Variants in NLGN4Y observed in about 807,000 individuals in gnomAD.
NLGN4Y encodes the protein neuroligin-4, Y-linked.
NLGN4Y carries 4 observed loss-of-function variants against 8.4 expected under a neutral mutation model. The observed-to-expected ratio is 0.48, with a 90% CI of 0.23 to 1.09. The LOEUF is 1.09. Among genes scored for constraint, NLGN4Y ranks in the 50% least tolerant of loss-of-function variants. The pLI, the probability that NLGN4Y is intolerant of heterozygous loss-of-function variation, is 0.19. For missense variants in NLGN4Y, 90 were observed against 192.3 expected, an observed-to-expected ratio of 0.47 and a Z score of 3.15; for synonymous variants, 35 against 75.6, an observed-to-expected ratio of 0.46 and a Z score of 2.78.
At chrY:14,773,886 G>A in intron 4 of NLGN4Y, among the ~76,000 whole-genome samples, 1 of 33,269 alleles carries the variant, frequency 3.0e-5, no homozygotes, top group African/African-American at 1.2e-4. Context: ...ACAGAAACTG[G>A]ACCCCTTCTT....
chrY:14,707,320 G>A (rs2080885439), intron 2 of NLGN4Y, among the ~76,000 whole-genome samples: 1 of 27,367 alleles, frequency 3.7e-5, no homozygotes, highest in African/African-American at 1.4e-4. Flanking sequence ...CTCCCAATTA[G>A]CTGTGATTAC....
At position 14,622,479 on chromosome Y, in the gene NLGN4Y, G is replaced by A; in HGVS notation, c.360G>A (p.Leu120=). The A allele has an allele frequency of 1.0e-5, 4 of 398,942 alleles. No individual in the cohort carries two copies. Among genetic ancestry groups the A allele is most frequent in the Non-Finnish European group, 1.4e-5 (4 of 283,553 alleles). ...AGCACCTGGATGAAAGATTCTTATTGCATGACATGCTGCCCATCTGGTTTA... is the reference window on the plus strand; with the variant it reads ...AGCACCTGGATGAAAGATTCTTATTACATGACATGCTGCCCATCTGGTTTA... ...CPQHLDERFL[L]HDMLPIWFTT... is the part of the protein sequence containing the mutation. Residue 120 remains leucine (L), a synonymous_variant, in exon 2 of 7, where the codon TTG becomes TTA. Coordinates refer to ENST00000684976, the MANE Select transcript of NLGN4Y (RefSeq NM_001365588.1).
chrY:14,636,526 G>A, intron 2 of NLGN4Y, among the ~76,000 whole-genome samples: 1 of 33,466 alleles, frequency 3.0e-5, no homozygotes, highest in Admixed American at 2.7e-4. Flanking sequence ...GGTTTCTCAA[G>A]AATATTAAAA....
chrY:14,824,365 A>G lies in NLGN4Y; in HGVS notation c.863A>G (p.Tyr288Cys). The change falls in exon 5 of 7, where the codon TAC becomes TGC. Residue 288 changes from tyrosine (Y) to cysteine (C), a missense_variant. By Grantham distance (194) the Tyr-to-Cys change is radical (BLOSUM62 -2). Transcript: ENST00000684976. ...SCVSLLTLSH[Y>C]SEGLFQKAII... ...GTCAGCCTGTTGACCCTGTCCCACTACTCAGAAGGTAATAATGGTGTCCCC... is the reference window on the plus strand; with the variant it reads ...GTCAGCCTGTTGACCCTGTCCCACTGCTCAGAAGGTAATAATGGTGTCCCC... 1 of 395,930 alleles carries G rather than the reference A, an allele frequency of 2.5e-6. No homozygotes were observed. The highest frequency in any genetic ancestry group is 3.5e-6 in the Non-Finnish European group (1 of 282,787).
intron 4 of NLGN4Y, among the ~76,000 whole-genome samples, chrY:14,778,689 A>C: frequency 3.0e-5 from 1 of 33,606 alleles, no homozygotes; most frequent in Non-Finnish European, 7.4e-5. Context: ...ACATGATTTT[A>C]ATTTTGATTA....
chrY:14,618,176 G>A, intron 1 of NLGN4Y, among the ~76,000 whole-genome samples: 3 of 29,973 alleles, frequency 1.0e-4, no homozygotes, highest in African/African-American at 4.0e-4. Flanking sequence ...CCAAATGATC[G>A]CCCAGTTTCG....
chrY:14,666,175 A>T (rs2080690818), intron 2 of NLGN4Y, among the ~76,000 whole-genome samples: 2 of 33,284 alleles, frequency 6.0e-5, no homozygotes. Flanking sequence ...TGTGTCAAGC[A>T]ATCCTCTTGC....
intron 4 of NLGN4Y, among the ~76,000 whole-genome samples, chrY:14,769,496 C>T: frequency 6.2e-5 from 2 of 32,367 alleles, no homozygotes; most frequent in East Asian, 1.6e-3. Context: ...GAGGAGTGTG[C>T]TGTGAGGAAC....
At chrY:14,648,491 T>A (rs2080618416) in intron 2 of NLGN4Y, among the ~76,000 whole-genome samples, 1 of 33,274 alleles carries the variant, frequency 3.0e-5, no homozygotes, top group African/African-American at 1.2e-4. Flanking sequence ...AAAGTTGGTA[T>A]CAAAATTGTG....
intron 4 of NLGN4Y, among the ~76,000 whole-genome samples, chrY:14,820,453 A>G (rs2043118520): frequency 3.0e-5 from 1 of 32,916 alleles, no homozygotes; most frequent in Non-Finnish European, 7.5e-5. Flanking sequence ...GAAGGATATA[A>G]TTTCTGAGGC....
chrY:14,703,683 T>C lies in NLGN4Y; in HGVS notation c.473-15776T>C, dbSNP rs762653187. On this transcript the variant is annotated intron_variant, in intron 2 of 6. Transcript: ENST00000684976. The stretch of plus-strand genomic sequence containing the variant: ...CCATATGAACTTTAAAGTAGTTTTT[T>C]TTCCAATTCTGTGAAGAAAGTCATT... 6.0e-4 allele frequency among the ~76,000 whole-genome samples: 20 copies of C among 33,437 alleles called. No homozygotes were observed. The South Asian group carries it at 0.013, about 22-fold the overall frequency. The allele number at this position is 33,437 out of a possible 37,273, so 89.7% of individuals were successfully genotyped here. A position where few individuals can be genotyped will look rare whatever the true frequency, so the allele number is the denominator to read the frequency against.
chrY:14,611,541 C>A (rs1603501305), intron 1 of NLGN4Y, among the ~76,000 whole-genome samples: 1 of 26,889 alleles, frequency 3.7e-5, no homozygotes, highest in Non-Finnish European at 8.7e-5. Flanking sequence ...ATGTGAAATT[C>A]TGTTTGTTTG....
At chrY:14,558,487 C>T in intron 1 of NLGN4Y, among the ~76,000 whole-genome samples, 1 of 33,108 alleles carries the variant, frequency 3.0e-5, no homozygotes, top group Non-Finnish European at 7.4e-5. Context: ...ACCCTAGTTA[C>T]CACTGAGACG....
chrY:14,623,197 T>C (rs778925257), intron 2 of NLGN4Y, among the ~76,000 whole-genome samples: 26 of 34,243 alleles, frequency 7.6e-4, no homozygotes, highest in African/African-American at 2.9e-3. Flanking sequence ...TATAGTCAGA[T>C]GATTCTAGCT....
At chrY:14,803,143 AATT>A (rs2043044022) in intron 4 of NLGN4Y, among the ~76,000 whole-genome samples, 1 of 23,780 alleles carries the variant, frequency 4.2e-5, no homozygotes, top group Non-Finnish European at 8.7e-5. Context: ...TAGTATATGT[AATT>A]ATTATATCTA....
chrY:14,824,325 G>A lies in NLGN4Y; in HGVS notation c.823G>A (p.Ala275Thr), dbSNP rs2043136229. 2.5e-6 allele frequency: 1 copy of A among 396,350 alleles called. No homozygotes were observed. The highest frequency in any genetic ancestry group is 3.5e-6 in the Non-Finnish European group (1 of 283,104). Residue 275 changes from alanine (A) to threonine (T), a missense_variant, in exon 5 of 7, where the codon GCT becomes ACT. Transcript: ENST00000684976. ...PKRVTIFGSG[A>T]GASCVSLLTL... ...GAGAGTGACTATCTTTGGCTCGGGG[G>A]CTGGGGCCTCCTGTGTCAGCCTGTT...
intron 2 of NLGN4Y, among the ~76,000 whole-genome samples, chrY:14,658,079 C>A (rs774252451): frequency 3.0e-5 from 1 of 33,412 alleles, no homozygotes; most frequent in East Asian, 8.0e-4. Context: ...GAGGTTTGGG[C>A]TTCTGTTAGG....
rs776205226 is a variant in NLGN4Y at position 14,554,604 on chromosome Y, C to T, written c.-112+29896C>T. ...AGATGATGATGTTGAAGGATCTGCA[C>T]GATGGTTATGATGGTTGCTGTCATT... On this transcript the variant is annotated intron_variant, in intron 1 of 6. Coordinates refer to ENST00000684976, the MANE Select transcript of NLGN4Y (RefSeq NM_001365588.1). Among the ~76,000 whole-genome samples the T allele has an allele frequency of 1.2e-4, 4 of 33,279 alleles. No homozygotes were observed. The South Asian group carries it at 2.0e-3, about 16-fold the overall frequency. 89.3% of individuals were successfully genotyped at this position (33,279 alleles called of 37,273 possible).
intron 4 of NLGN4Y, among the ~76,000 whole-genome samples, chrY:14,728,170 G>T: frequency 3.0e-5 from 1 of 33,780 alleles, no homozygotes; most frequent in Non-Finnish European, 7.3e-5. Flanking sequence ...CCATTAGGAT[G>T]GCTGTTAATA....
Sources: allele counts gnomAD v4.1 joint callset (sites outside exome capture counted in the v4.1 genomes callset), GRCh38; gene constraint gnomAD v4.1.1; transcripts MANE v1.5; gene names NCBI Gene and HGNC (gene_info 2026-07-23, HGNC 2026-07-21).